TMTC1: variants seen among roughly 807,000 people sequenced by gnomAD.
The protein encoded by TMTC1 is protein O-mannosyl-transferase TMTC1.
A neutral mutation model predicts 104.8 loss-of-function variants in TMTC1; 73 were observed. The ratio of observed to expected loss-of-function variants is 0.70; its 90% CI spans 0.58 to 0.85. The LOEUF (loss-of-function observed/expected upper bound fraction) is 0.85. TMTC1 is among the 40% of genes least tolerant of loss of function. The probability of loss-of-function intolerance (pLI) is 0.00; values close to 1 mark genes in which losing one functional copy is unlikely to be tolerated. For synonymous variants in TMTC1, 434 were observed against 428.7 expected (o/e 1.01, Z -0.15); for missense variants, 1,035 against 1,096.1 (o/e 0.94, Z 0.79).
chr12:29,516,120 A>G (rs1943978775), intron 15 of TMTC1, among the ~76,000 whole-genome samples: 1 of 152,154 alleles, frequency 6.6e-6, no homozygotes, highest in Admixed American at 6.5e-5. Flanking sequence ...AACTAAGACA[A>G]TACCACATAA....
chr12:29,622,526 AT>A (rs781282903), intron 6 of TMTC1, among the ~76,000 whole-genome samples: 1 of 152,148 alleles, frequency 6.6e-6, no homozygotes, highest in Non-Finnish European at 1.5e-5. Context: ...ACTCAAGTGC[AT>A]TTTCAGCCGT....
intron 5 of TMTC1, among the ~76,000 whole-genome samples, chr12:29,728,149 G>C (rs1181837617): frequency 1.3e-5 from 2 of 152,170 alleles, no homozygotes; most frequent in Admixed American, 6.5e-5. Flanking sequence ...TAAGCATCAG[G>C]CTCCGTTGTT....
At chr12:29,599,321 C>G (rs1321283240) in intron 7 of TMTC1, among the ~76,000 whole-genome samples, 1 of 152,174 alleles carries the variant, frequency 6.6e-6, no homozygotes, top group Non-Finnish European at 1.5e-5. Context: ...AGGAGATCTG[C>G]AAAACTGGCT....
chr12:29,622,713 A>G (rs918923444), intron 6 of TMTC1, among the ~76,000 whole-genome samples: 2 of 152,222 alleles, frequency 1.3e-5, no homozygotes, highest in African/African-American at 4.8e-5. Context: ...ATTCGATCCA[A>G]TAAGAAATTT....
intron 6 of TMTC1, among the ~76,000 whole-genome samples, chr12:29,612,124 C>T (rs1946861122): frequency 6.6e-6 from 1 of 152,098 alleles, no homozygotes. Context: ...AAGTTAATGC[C>T]AAGTGTGGGG....
chr12:29,652,556 T>C (rs75675750), intron 5 of TMTC1, among the ~76,000 whole-genome samples: 7,343 of 152,320 alleles, frequency 0.048, 208 homozygotes, highest in Admixed American at 0.068. Flanking sequence ...GTAATGTTCA[T>C]AGAAGCAGCA....
chr12:29,697,107 T>C (rs1362491509), intron 5 of TMTC1, among the ~76,000 whole-genome samples: 2 of 152,334 alleles, frequency 1.3e-5, no homozygotes, highest in East Asian at 3.9e-4. Flanking sequence ...GCCTGGCATA[T>C]GACAGGTTCT....
chr12:29,637,093 C>A (rs201930159), intron 5 of TMTC1, among the ~76,000 whole-genome samples: 256 of 73,226 alleles, frequency 3.5e-3, no homozygotes, highest in South Asian at 0.017. Context: ...GAAACACACA[C>A]ACACACACAC....
intron 5 of TMTC1, among the ~76,000 whole-genome samples, chr12:29,707,820 G>A (rs1042576176): frequency 2.6e-5 from 4 of 152,054 alleles, no homozygotes; most frequent in Non-Finnish European, 4.4e-5. Context: ...ACCTGCCACA[G>A]CACTTAAAAA....
At chr12:29,515,755 T>TC (rs1448273745) in intron 15 of TMTC1, among the ~76,000 whole-genome samples, 2 of 149,548 alleles carry the variant, frequency 1.3e-5, no homozygotes, top group Admixed American at 6.7e-5. Flanking sequence ...GGCAGTGACT[T>TC]TTTTTTTTTT....
chr12:29,505,892 T>A lies in TMTC1; in HGVS notation c.*954A>T, dbSNP rs1416826501. On this transcript the variant is annotated 3_prime_UTR_variant, in exon 18 of 18. Transcript: ENST00000539277. The stretch of plus-strand genomic sequence containing the variant: ...CTATGAAGATTTCTGTGATACATCA[T>A]AAAGGTTCCTCAATGGTTCAATATA... The A allele has an allele frequency of 1.3e-5, 2 of 152,076 alleles. No individual in the cohort carries two copies. The highest frequency in any genetic ancestry group is 2.9e-5 in the Non-Finnish European group (2 of 68,002). The allele number at this position is 152,076 out of a possible 1,614,324, so 9.4% of individuals were successfully genotyped here. A position where few individuals can be genotyped will look rare whatever the true frequency, so the allele number is the denominator to read the frequency against.
At chr12:29,718,987 C>A (rs1469831308) in intron 5 of TMTC1, among the ~76,000 whole-genome samples, 1 of 147,240 alleles carries the variant, frequency 6.8e-6, no homozygotes, top group Non-Finnish European at 1.5e-5. Flanking sequence ...AGTCAGTAAA[C>A]CTGTAGATAA....
At chr12:29,586,880 A>G (rs977497987) in intron 7 of TMTC1, among the ~76,000 whole-genome samples, 1 of 152,006 alleles carries the variant, frequency 6.6e-6, no homozygotes, top group East Asian at 1.9e-4. Context: ...CATCAAGGAT[A>G]GTGGTCTAAA....
chr12:29,545,507 G>T lies in TMTC1; in HGVS notation c.1677-9190C>A, dbSNP rs112545322. Among the ~76,000 whole-genome samples, 1,014 of 152,160 alleles carry T rather than the reference G, an allele frequency of 6.7e-3. 21 individuals carry two copies. The highest frequency in any genetic ancestry group is 0.055 in the East Asian group (283 of 5,152). ...ATACAAAAATTAGCCAAGCATAGTG[G>T]CTCATGCCTGTAGTCCCAGCTACTC... On this transcript the variant is annotated intron_variant, in intron 10 of 17. Coordinates refer to ENST00000539277, the MANE Select transcript of TMTC1 (RefSeq NM_001193451.2).
intron 5 of TMTC1, among the ~76,000 whole-genome samples, chr12:29,745,635 A>AG (rs1942936006): frequency 6.6e-6 from 1 of 151,546 alleles, no homozygotes; most frequent in Non-Finnish European, 1.5e-5. Context: ...AAAAAAAAAA[A>AG]AAAAGAAAGA....
chr12:29,615,163 C>A (rs1025627045), intron 6 of TMTC1, among the ~76,000 whole-genome samples: 1 of 152,170 alleles, frequency 6.6e-6, no homozygotes, highest in Non-Finnish European at 1.5e-5. Context: ...TGGCCTGTGG[C>A]AATTAAAACC....
chr12:29,513,905 G>A lies in TMTC1; in HGVS notation c.2430+577C>T, dbSNP rs763323823. On this transcript the variant is annotated intron_variant, in intron 16 of 17. Coordinates refer to ENST00000539277, the MANE Select transcript of TMTC1 (RefSeq NM_001193451.2). Reference sequence around the variant, plus strand: ...CACAGAGACACACACACACACATACGGGGGTTAGGGGACGGACCTAATAAT... The same window carrying A: ...CACAGAGACACACACACACACATACAGGGGTTAGGGGACGGACCTAATAAT... Among the ~76,000 whole-genome samples, 49 of 152,210 alleles carry A rather than the reference G, an allele frequency of 3.2e-4. 1 individual carries two copies. Among genetic ancestry groups the A allele is most frequent in the Non-Finnish European group, 5.6e-4 (38 of 68,018 alleles).
At position 29,643,729 on chromosome 12, in the gene TMTC1, TATA is replaced by T. The variant is rs1418429762; in HGVS notation, c.939-10396_939-10394del. 2.2e-3 allele frequency among the ~76,000 whole-genome samples: 103 copies of T among 46,762 alleles called. 28 individuals carry two copies. Among genetic ancestry groups the T allele is most frequent in the African/African-American group, 9.5e-3 (101 of 10,608 alleles). The allele number at this position is 46,762 out of a possible 152,430, so 30.7% of individuals were successfully genotyped here. ...ATATTATATATATAATATATAAATA[TATA>T]TTATAATAAATATATATAAATATTT... On this transcript the variant is annotated intron_variant, in intron 5 of 17. Coordinates refer to ENST00000539277, the MANE Select transcript of TMTC1 (RefSeq NM_001193451.2).
intron 6 of TMTC1, among the ~76,000 whole-genome samples, chr12:29,604,599 C>T (rs1946650150): frequency 3.9e-5 from 6 of 152,180 alleles, no homozygotes; most frequent in Admixed American, 3.9e-4. Context: ...AACCCTGCTT[C>T]TTGGTTCTGG....
Sources: allele counts gnomAD v4.1 joint callset (sites outside exome capture counted in the v4.1 genomes callset), GRCh38; gene constraint gnomAD v4.1.1; transcripts MANE v1.5; gene names NCBI Gene and HGNC (gene_info 2026-07-23, HGNC 2026-07-21).